The following NDUFA11 variants were observed in gnomAD, a reference collection of about 807,000 sequenced individuals.
The protein encoded by NDUFA11 is NADH dehydrogenase [ubiquinone] 1 alpha subcomplex subunit 11.
NDUFA11 carries 14 observed loss-of-function variants against 11.3 expected under a neutral mutation model. The observed-to-expected ratio is 1.24, with a 90% CI of 0.82 to 1.94. The LOEUF is 1.94. NDUFA11 is among the 30% of genes most tolerant of loss of function. NDUFA11 has a pLI of 0.00. For synonymous variants in NDUFA11, 87 were observed against 85.6 expected (o/e 1.02, Z -0.09); for missense variants, 204 against 200.3 (o/e 1.02, Z -0.11).
Position 5,897,008 on chromosome 19 carries a change from G to A in NDUFA11, c.98-11C>T, listed in dbSNP as rs1486251747. On this transcript the variant is annotated splice_polypyrimidine_tract_variant and intron_variant, in intron 1 of 3. Transcript: ENST00000308961. ...CAGCGGCGGTCAGGCCTGCGAGACA[G>A]AGGAGGGAGGCTGTTCAGACCCCAC... 1 of 1,611,412 alleles carries A rather than the reference G, an allele frequency of 6.2e-7. No individual in the cohort carries two copies. Among genetic ancestry groups the A allele is most frequent in the South Asian group, 1.1e-5 (1 of 91,020 alleles).
chr19:5,899,451 C>CTTTTT lies in NDUFA11; in HGVS notation c.98-2459_98-2455dup, dbSNP rs71172780. On this transcript the variant is annotated intron_variant, in intron 1 of 3. Coordinates refer to ENST00000308961, the MANE Select transcript of NDUFA11 (RefSeq NM_175614.5). ...AGGCGTGAGCCACCGCGCCCGGACT[C>CTTTTT]TTTTTTTTTTTTTTTTTTTTTTTGA... 3.1e-3 allele frequency among the ~76,000 whole-genome samples: 210 copies of CTTTTT among 68,830 alleles called. 8 individuals carry two copies. The highest frequency in any genetic ancestry group is 3.6e-3 in the African/African-American group (63 of 17,332). 45.2% of individuals were successfully genotyped at this position (68,830 alleles called of 152,430 possible).
intron 3 of NDUFA11, chr19:5,895,686 T>G (rs1599692020): frequency 1.3e-5 from 2 of 152,778 alleles, no homozygotes; most frequent in Non-Finnish European, 2.9e-5. Flanking sequence ...GGGCTGGGGG[T>G]AGGCCAGGGG....
chr19:5,899,591 C>T (rs1030636595), intron 1 of NDUFA11, among the ~76,000 whole-genome samples: 1 of 150,466 alleles, frequency 6.6e-6, no homozygotes, highest in Non-Finnish European at 1.5e-5. Flanking sequence ...GCTGGGATTA[C>T]AGGCGCCTGC....
chr19:5,898,312 C>A (rs1159921960), intron 1 of NDUFA11, among the ~76,000 whole-genome samples: 1 of 151,808 alleles, frequency 6.6e-6, no homozygotes, highest in Non-Finnish European at 1.5e-5. Context: ...CTGGCAGTGA[C>A]CCCCCCCAAC....
downstream of NDUFA11, among the ~76,000 whole-genome samples, chr19:5,893,985 C>T (rs547703109): frequency 6.6e-6 from 1 of 152,342 alleles, no homozygotes; most frequent in South Asian, 2.1e-4. This position sits in a 1 kb window ranked among gnomAD's most constrained non-coding sequence, Gnocchi z 4.1. Flanking sequence ...AGCTTGCAGG[C>T]TTCCTCTCCA....
chr19:5,896,416 C>A lies in NDUFA11; in HGVS notation c.313+37G>T. The A allele has an allele frequency of 1.3e-6, 1 of 798,758 alleles. No individual in the cohort carries two copies. The highest frequency in any genetic ancestry group is 4.4e-4 in the Middle Eastern group (1 of 2,262). 49.5% of individuals were successfully genotyped at this position (798,758 alleles called of 1,614,324 possible). On this transcript the variant is annotated intron_variant, in intron 3 of 3. Transcript: ENST00000308961. This position sits in a 1 kb window ranked among gnomAD's most constrained non-coding sequence, Gnocchi z 5.8. ...AGAGGTCAGGGGTCATTCTGCCAGG[C>A]TGGGAGGAGGGTGGGGGTGGGGAGG... is the stretch of plus-strand genomic sequence containing the variant.
intron 1 of NDUFA11, among the ~76,000 whole-genome samples, chr19:5,898,345 T>C (rs2057623508): frequency 6.6e-6 from 1 of 152,158 alleles, no homozygotes; most frequent in Non-Finnish European, 1.5e-5. Context: ...TCAGATCCAA[T>C]TCAGCTCATG....
chr19:5,898,327 C>A (rs1259488204), intron 1 of NDUFA11, among the ~76,000 whole-genome samples: 2 of 152,182 alleles, frequency 1.3e-5, no homozygotes, highest in Non-Finnish European at 2.9e-5. Context: ...CCCAACAGCA[C>A]CCTAGCCTCA....
chr19:5,895,303 G>A, intron 3 of NDUFA11: 1 of 177,904 alleles, frequency 5.6e-6, no homozygotes, highest in Admixed American at 5.5e-5. Flanking sequence ...CTCCTGCTCC[G>A]AAGCCTCCGG....
chr19:5,893,816 C>T (rs971136289), downstream of NDUFA11, among the ~76,000 whole-genome samples: 4 of 152,162 alleles, frequency 2.6e-5, no homozygotes, highest in East Asian at 7.7e-4. The surrounding 1 kb of genome is among the most constrained non-coding windows in gnomAD (Gnocchi z 4.1). Flanking sequence ...GAGATGGGGC[C>T]GGATACGGGT....
rs933011275 is a variant in NDUFA11, at chr19:5,896,508, G to T, written c.258C>A (p.Asp86Glu). The T allele has an allele frequency of 6.4e-7, 1 of 1,572,542 alleles. No homozygotes were observed. The highest frequency in any genetic ancestry group is 1.3e-5 in the African/African-American group (1 of 74,424). The change falls in exon 3 of 4, where the codon GAC becomes GAA. Residue 86 changes from aspartate to glutamate, a missense_variant. Physicochemically the swap from Asp to Glu is conservative, Grantham distance 45 (BLOSUM62 2). Coordinates refer to ENST00000308961, the MANE Select transcript of NDUFA11 (RefSeq NM_175614.5). The surrounding 1 kb of genome is among the most constrained non-coding windows in gnomAD (Gnocchi z 5.8). The part of the protein sequence containing the change: ...ISAHVREKPD[D>E]PLNYFLGGCA... ...AGCCACCGAGGAAGTAGTTCAGGGG[G>T]TCGTCGGGCTTCTCGCGGACATGGG...
intron 1 of NDUFA11, among the ~76,000 whole-genome samples, chr19:5,899,441 C>T (rs143394995): frequency 0.013 from 1,881 of 142,294 alleles, 48 homozygotes; most frequent in African/African-American, 0.045. Context: ...TGAGCCACCG[C>T]GCCCGGACTC....
At chr19:5,891,501 C>G (rs976310065), downstream of NDUFA11, 9 of 152,250 alleles carry the variant, frequency 5.9e-5, no homozygotes, top group Non-Finnish European at 1.5e-5. Flanking sequence ...AGTGATCCCC[C>G]AGCCTCGGCC....
intron 1 of NDUFA11, chr19:5,901,566 C>T: frequency 1.2e-6 from 1 of 865,336 alleles, no homozygotes; most frequent in Non-Finnish European, 1.6e-6. Flanking sequence ...GGAGCCGCAA[C>T]TTTGGCCGGG....
chr19:5,897,448 T>C (rs2057617692), intron 1 of NDUFA11, among the ~76,000 whole-genome samples: 1 of 152,082 alleles, frequency 6.6e-6, no homozygotes, highest in South Asian at 2.1e-4. Flanking sequence ...CAGCTCCAGG[T>C]TCCCATCAAT....
intron 1 of NDUFA11, among the ~76,000 whole-genome samples, chr19:5,903,111 C>G (rs537933092): frequency 2.6e-5 from 4 of 152,026 alleles, no homozygotes; most frequent in South Asian, 4.2e-4. Context: ...TCACCTAGGA[C>G]CTCTCTGGCG....
rs555898365 is a variant in NDUFA11, at chr19:5,903,769, G to C, written c.-61C>G. The C allele has an allele frequency of 5.3e-5, 80 of 1,514,980 alleles. No individual in the cohort carries two copies. In the African/African-American group the frequency reaches 8.1e-4, roughly 15 times the overall value. 93.8% of individuals were successfully genotyped at this position (1,514,980 alleles called of 1,614,324 possible). ...CAGCTCGGGAAGCGCAAGGGCAGCC[G>C]CGGCTGGCTATCGCGAGACTTCTCG... On this transcript the variant is annotated 5_prime_UTR_variant, in exon 1 of 4. Coordinates refer to ENST00000308961, the MANE Select transcript of NDUFA11 (RefSeq NM_175614.5).
downstream of NDUFA11, among the ~76,000 whole-genome samples, chr19:5,893,691 C>A (rs894641345): frequency 6.6e-6 from 1 of 152,142 alleles, no homozygotes; most frequent in Non-Finnish European, 1.5e-5. This position sits in a 1 kb window ranked among gnomAD's most constrained non-coding sequence, Gnocchi z 4.1. Context: ...ATTGCTTGGG[C>A]CCGGGAGTTC....
downstream of NDUFA11, chr19:5,891,386 A>C (rs1249390518): frequency 1.3e-5 from 2 of 152,084 alleles, no homozygotes; most frequent in Non-Finnish European, 2.9e-5. Context: ...CAGCCTCCCA[A>C]GTAGCTGGGA....
Sources: allele counts gnomAD v4.1 joint callset (sites outside exome capture counted in the v4.1 genomes callset), GRCh38; gene constraint gnomAD v4.1.1; non-coding constraint Gnocchi (gnomAD v3.1); transcripts MANE v1.5; gene names NCBI Gene and HGNC (gene_info 2026-07-23, HGNC 2026-07-21).